The following CDH13 variants were observed in gnomAD, a reference collection of about 807,000 sequenced individuals.
CDH13 encodes cadherin-13.
Under a neutral mutation model 63.8 loss-of-function variants are expected in CDH13, and 24 were observed. The observed-to-expected ratio is 0.38, with a 90% confidence interval of 0.27 to 0.53. The LOEUF (loss-of-function observed/expected upper bound fraction) is 0.53, where lower values mean the gene tolerates loss of function less well. Ranked by LOEUF, CDH13 falls within the 20% of genes least tolerant of loss-of-function variation. CDH13 has a pLI of 0.85. For synonymous variants in CDH13, 503 were observed against 355.3 expected, an observed-to-expected ratio of 1.42 and a Z score of -4.67; for missense variants, 1,049 against 903.1, an observed-to-expected ratio of 1.16 and a Z score of -2.07.
intron 6 of CDH13, among the ~76,000 whole-genome samples, chr16:83,485,547 G>A (rs2073866721): frequency 6.6e-6 from 1 of 152,096 alleles, no homozygotes; most frequent in Admixed American, 6.6e-5. Flanking sequence ...ACACATTAGT[G>A]TTTGCTCTCA....
intron 1 of CDH13, among the ~76,000 whole-genome samples, chr16:82,694,788 T>C (rs1384055145): frequency 1.3e-5 from 2 of 152,078 alleles, no homozygotes; most frequent in Non-Finnish European, 2.9e-5. Flanking sequence ...ACCCTGGAGA[T>C]ATAAGAGGGA....
At chr16:83,394,168 AT>A (rs1450314949) in intron 6 of CDH13, among the ~76,000 whole-genome samples, 3 of 152,126 alleles carry the variant, frequency 2.0e-5, no homozygotes, top group African/African-American at 7.2e-5. Flanking sequence ...TGGTGAGGAA[AT>A]AATCTGTACA....
intron 11 of CDH13, among the ~76,000 whole-genome samples, chr16:83,763,976 C>T (rs1470324454): frequency 1.3e-5 from 2 of 152,142 alleles, no homozygotes; most frequent in Non-Finnish European, 2.9e-5. Context: ...AGCCGAGAGA[C>T]TTACACTCTC....
At chr16:83,235,822 G>A (rs947960142) in intron 5 of CDH13, among the ~76,000 whole-genome samples, 2 of 152,090 alleles carry the variant, frequency 1.3e-5, no homozygotes, top group African/African-American at 4.8e-5. Flanking sequence ...ATGCTAGAAT[G>A]TGCATTTCTC....
intron 7 of CDH13, among the ~76,000 whole-genome samples, chr16:83,560,230 T>C (rs1290929434): frequency 6.6e-6 from 1 of 152,260 alleles, no homozygotes; most frequent in Non-Finnish European, 1.5e-5. Context: ...TAGTTCTGAC[T>C]GGGCAAAATT....
chr16:82,637,976 C>T (rs1908895086), intron 1 of CDH13, among the ~76,000 whole-genome samples: 3 of 152,180 alleles, frequency 2.0e-5, no homozygotes, highest in Admixed American at 2.0e-4. Flanking sequence ...CAGATAAAAA[C>T]AAGTAAGTAC....
intron 6 of CDH13, among the ~76,000 whole-genome samples, chr16:83,456,910 T>C (rs548973074): frequency 6.5e-4 from 99 of 152,214 alleles, no homozygotes; most frequent in African/African-American, 2.3e-3. Context: ...TGCAGTGAGC[T>C]GAGAAGATGC....
intron 8 of CDH13, among the ~76,000 whole-genome samples, chr16:83,650,336 C>T (rs1340739205): frequency 2.0e-5 from 3 of 152,166 alleles, no homozygotes; most frequent in Admixed American, 6.5e-5. Flanking sequence ...TGGTTTTACC[C>T]TTGAATGTTT....
chr16:83,475,608 G>A (rs960610593), intron 6 of CDH13, among the ~76,000 whole-genome samples: 6 of 152,132 alleles, frequency 3.9e-5, no homozygotes, highest in African/African-American at 1.4e-4. Flanking sequence ...TTGAGACAGG[G>A]TCTCTCTCTG....
intron 8 of CDH13, among the ~76,000 whole-genome samples, chr16:83,604,533 T>A (rs763032411): frequency 1.3e-5 from 2 of 152,232 alleles, no homozygotes; most frequent in African/African-American, 2.4e-5. Context: ...TGATTAACTT[T>A]AAAATGCTTT....
chr16:83,580,792 T>C (rs1208010816), intron 7 of CDH13, among the ~76,000 whole-genome samples: 1 of 152,114 alleles, frequency 6.6e-6, no homozygotes, highest in Non-Finnish European at 1.5e-5. Context: ...ACACCCAGCC[T>C]GTTCATTTCT....
chr16:83,490,890 C>T (rs1446886137), intron 7 of CDH13, among the ~76,000 whole-genome samples: 1 of 152,204 alleles, frequency 6.6e-6, no homozygotes, highest in African/African-American at 2.4e-5. Flanking sequence ...CCAGAATATA[C>T]GCTTCTGGAA....
chr16:83,557,239 C>G (rs747085334), intron 7 of CDH13, among the ~76,000 whole-genome samples: 1 of 152,094 alleles, frequency 6.6e-6, no homozygotes, highest in Non-Finnish European at 1.5e-5. Flanking sequence ...CAGATGAGAC[C>G]ATCTAGTTGA....
At chr16:83,592,831 C>T (rs897016501) in intron 7 of CDH13, among the ~76,000 whole-genome samples, 5 of 152,172 alleles carry the variant, frequency 3.3e-5, no homozygotes, top group African/African-American at 1.2e-4. Context: ...TGAATGTTCA[C>T]ATTCGTACCA....
At chr16:83,659,079 C>G (rs1478205736) in intron 8 of CDH13, among the ~76,000 whole-genome samples, 41 of 146,478 alleles carry the variant, frequency 2.8e-4, no homozygotes, top group Non-Finnish European at 5.7e-4. Flanking sequence ...TCCTCACCAG[C>G]AAGGTCCCAT....
At chr16:83,174,201 C>T (rs905584612) in intron 4 of CDH13, among the ~76,000 whole-genome samples, 8 of 151,968 alleles carry the variant, frequency 5.3e-5, no homozygotes, top group South Asian at 2.1e-4. Flanking sequence ...GAGGTCAGTT[C>T]GGGGTCTGTC....
intron 6 of CDH13, among the ~76,000 whole-genome samples, chr16:83,455,489 C>T (rs1462062144): frequency 5.3e-5 from 8 of 152,072 alleles, no homozygotes; most frequent in African/African-American, 1.4e-4. Flanking sequence ...CATTTTAGTG[C>T]ACCTTCTGGA....
chr16:83,271,517 AAAC>A (rs1195175865), intron 5 of CDH13, among the ~76,000 whole-genome samples: 9 of 146,800 alleles, frequency 6.1e-5, no homozygotes, highest in African/African-American at 2.1e-4. Flanking sequence ...AAACAAAACA[AAAC>A]AACAACAACA....
At chr16:82,642,496 C>G (rs1284980172) in intron 1 of CDH13, among the ~76,000 whole-genome samples, 2 of 152,200 alleles carry the variant, frequency 1.3e-5, no homozygotes, top group African/African-American at 4.8e-5. Flanking sequence ...CTTTTTCTCT[C>G]TCTCTTTGGT....
Sources: allele counts gnomAD v4.1 joint callset (sites outside exome capture counted in the v4.1 genomes callset), GRCh38; gene constraint gnomAD v4.1.1; transcripts MANE v1.5; gene names NCBI Gene and HGNC (gene_info 2026-07-23, HGNC 2026-07-21).